NCOR1: variants seen among roughly 807,000 people sequenced by gnomAD.
NCOR1 encodes the protein protein phosphatase 1, regulatory subunit 109.
A neutral mutation model predicts 288.1 loss-of-function variants in NCOR1; 63 were observed. The observed-to-expected ratio is 0.22, with a 90% CI of 0.18 to 0.27. The LOEUF (loss-of-function observed/expected upper bound fraction) is 0.27. Ranked by LOEUF, NCOR1 falls within the 10% of genes least tolerant of loss-of-function variation. NCOR1 has a pLI of 1.00. For missense variants in NCOR1, 2,397 were observed against 3,019.2 expected (o/e 0.79, Z 4.83); for synonymous variants, 1,007 against 1,065.9 (o/e 0.94, Z 1.08).
intron 14 of NCOR1, among the ~76,000 whole-genome samples, chr17:16,127,674 T>C (rs2074889710): frequency 6.9e-6 from 1 of 145,520 alleles, no homozygotes; most frequent in Non-Finnish European, 1.5e-5. Context: ...TATGTATATA[T>C]GTGTATGTGT....
At chr17:16,056,952 G>C (rs182320395) in intron 40 of NCOR1, 17 of 152,042 alleles carry the variant, frequency 1.1e-4, no homozygotes, top group Non-Finnish European at 2.2e-4. Flanking sequence ...CTGAGGCCTA[G>C]AATAAAATAT....
At chr17:16,053,703 A>G (rs1181648424) in intron 40 of NCOR1, among the ~76,000 whole-genome samples, 1 of 152,120 alleles carries the variant, frequency 6.6e-6, no homozygotes, top group East Asian at 1.9e-4. Context: ...TTTTAAAATT[A>G]ATATAGATCC....
chr17:16,137,267 T>TC, intron 14 of NCOR1, 44 bp downstream of exon 14: 1 of 1,331,502 alleles, frequency 7.5e-7, no homozygotes, highest in Non-Finnish European at 1.1e-6. Flanking sequence ...CTTGCCTATT[T>TC]CCCCCAATCC....
intron 2 of NCOR1, among the ~76,000 whole-genome samples, chr17:16,188,477 G>T (rs1485519561): frequency 6.6e-6 from 1 of 151,698 alleles, no homozygotes; most frequent in Non-Finnish European, 1.5e-5. Flanking sequence ...TGGGCGTGGT[G>T]GCGTGCTCCT....
At chr17:16,156,449 AAAG>A in intron 6 of NCOR1, among the ~76,000 whole-genome samples, 1 of 148,106 alleles carries the variant, frequency 6.8e-6, no homozygotes, top group East Asian at 2.1e-4. Context: ...AAAAAAAAGA[AAAG>A]AAAAGAAGGA....
rs140767536 is a variant in NCOR1, at chr17:16,188,566, G to A, written c.109-1879C>T. ...GGGGAGGGTGCAGTGAGCTGAGATCGTACCATTGCACTCTAGTCCAAGCAA... is the reference window on the plus strand; with the variant it reads ...GGGGAGGGTGCAGTGAGCTGAGATCATACCATTGCACTCTAGTCCAAGCAA... On this transcript the variant is annotated intron_variant, in intron 2 of 45. Transcript: ENST00000268712. Among the ~76,000 whole-genome samples, 1,428 of 150,844 alleles carry A rather than the reference G, an allele frequency of 9.5e-3. 18 individuals carry two copies. Among genetic ancestry groups the A allele is most frequent in the African/African-American group, 0.033 (1,335 of 41,024 alleles).
intron 35 of NCOR1, among the ~76,000 whole-genome samples, chr17:16,063,443 G>A (rs1032929939): frequency 6.6e-6 from 1 of 152,116 alleles, no homozygotes; most frequent in South Asian, 2.1e-4. Context: ...TTGGCCTCCT[G>A]AGTAGCTGGG....
At chr17:16,120,988 C>T in intron 16 of NCOR1, 64 bp downstream of exon 16, 2 of 1,422,590 alleles carry the variant, frequency 1.4e-6, no homozygotes, top group South Asian at 2.5e-5. Context: ...TCTACCCTAT[C>T]CTAGCAGTGA....
At chr17:16,206,280 A>C (rs2091491389) in intron 1 of NCOR1, among the ~76,000 whole-genome samples, 1 of 151,858 alleles carries the variant, frequency 6.6e-6, no homozygotes, top group Non-Finnish European at 1.5e-5. Context: ...ACATATGTAC[A>C]TGTGCATAAA....
At chr17:16,045,505 TTTTA>T (rs1258855959) in intron 42 of NCOR1, among the ~76,000 whole-genome samples, 1 of 152,310 alleles carries the variant, frequency 6.6e-6, no homozygotes, top group East Asian at 1.9e-4. Context: ...TATATTTTTA[TTTTA>T]TTAATTTATT....
chr17:16,085,343 TA>T (rs1238111591), intron 23 of NCOR1, among the ~76,000 whole-genome samples: 1 of 152,138 alleles, frequency 6.6e-6, no homozygotes, highest in Non-Finnish European at 1.5e-5. Context: ...TGGAAAAGTA[TA>T]AAACATACAC....
chr17:16,103,238 C>A (rs1598644673), intron 19 of NCOR1, among the ~76,000 whole-genome samples: 1 of 151,882 alleles, frequency 6.6e-6, no homozygotes, highest in South Asian at 2.1e-4. Context: ...TCTTTTAAAC[C>A]CTCTTCTCAT....
rs2060561449 is a variant in NCOR1 at position 16,061,705 on chromosome 17, T to A, written c.5577A>T (p.Ala1859=). ...GCTCTAGCTGCTGCTGTTCACTAAC[T>A]GCTGCTGACCTGCTTCTCAAATTTT... ...LEENLRSRSA[A]VSEQQQLEQK... The change falls in exon 37 of 46, where the codon GCA becomes GCT. Residue 1859 remains alanine, a synonymous_variant. Transcript: ENST00000268712. The A allele has an allele frequency of 6.2e-7, 1 of 1,614,144 alleles. No individual in the cohort carries two copies. The highest frequency in any genetic ancestry group is 1.7e-5 in the Admixed American group (1 of 60,016).
chr17:16,147,019 T>C (rs1434831232), intron 9 of NCOR1, among the ~76,000 whole-genome samples: 1 of 152,222 alleles, frequency 6.6e-6, no homozygotes, highest in Non-Finnish European at 1.5e-5. Flanking sequence ...TTGGAGGTTC[T>C]GGTTGATTGC....
Position 16,194,463 on chromosome 17 carries a change from T to C in NCOR1, c.107A>G (p.Gln36Arg), listed in dbSNP as rs2089334814. 2 of 1,589,504 alleles carry C rather than the reference T, an allele frequency of 1.3e-6. No homozygotes were observed. The highest frequency in any genetic ancestry group is 1.3e-5 in the African/African-American group (1 of 74,434). The change falls in exon 2 of 46, where the codon CAG becomes CGG. Residue 36 changes from glutamine (Q) to arginine (R), a missense_variant and splice_region_variant. By Grantham distance (43) the Gln-to-Arg change is conservative (BLOSUM62 1). Transcript: ENST00000268712. ...QYTFPNTRHQ[Q>R]EFAVPDYRSS... ...ATTTGCATACTATCTGTTCCTTACCTGCTGGTGGCGGGTGTTGGGAAATGT... is the reference window on the plus strand; with the variant it reads ...ATTTGCATACTATCTGTTCCTTACCCGCTGGTGGCGGGTGTTGGGAAATGT...
intron 1 of NCOR1, among the ~76,000 whole-genome samples, chr17:16,199,196 T>A (rs1319927632): frequency 1.8e-4 from 14 of 76,726 alleles, no homozygotes; most frequent in Admixed American, 6.2e-4. Context: ...ATCCGCCCAA[T>A]ACAGAAGGAA....
intron 11 of NCOR1, among the ~76,000 whole-genome samples, chr17:16,141,640 A>G (rs2077172533): frequency 6.6e-6 from 1 of 152,230 alleles, no homozygotes; most frequent in Admixed American, 6.5e-5. Flanking sequence ...AACTCTGTAC[A>G]AAGAGGCTAT....
intron 10 of NCOR1, among the ~76,000 whole-genome samples, chr17:16,144,907 C>G (rs890997509): frequency 6.7e-6 from 1 of 150,058 alleles, no homozygotes; most frequent in African/African-American, 2.5e-5. Flanking sequence ...TCCACGGTCT[C>G]CCCTCTCCCT....
intron 4 of NCOR1, among the ~76,000 whole-genome samples, chr17:16,170,493 G>A (rs2082925470): frequency 6.6e-6 from 1 of 151,964 alleles, no homozygotes; most frequent in Admixed American, 6.6e-5. Context: ...CTAAGTGTCA[G>A]GCACTTCCTA....
Sources: gnomAD v4.1 joint callset for allele counts (sites outside exome capture counted in the v4.1 genomes callset) on GRCh38, gnomAD v4.1.1 for gene constraint, MANE v1.5 for transcripts, NCBI Gene and HGNC (gene_info 2026-07-23, HGNC 2026-07-21) for gene names.